ZNF700: variants seen among roughly 807,000 people sequenced by gnomAD.
ZNF700 encodes the protein zinc finger protein 700.
In ZNF700, 38 loss-of-function variants were observed where a neutral mutation model predicts 65.3. The observed-to-expected ratio is 0.58, with a 90% CI of 0.45 to 0.76. The LOEUF is 0.76. ZNF700 is among the 30% of genes least tolerant of loss of function. The pLI, the probability that ZNF700 is intolerant of heterozygous loss-of-function variation, is 0.00. For missense variants in ZNF700, 857 were observed against 888.4 expected (o/e 0.96, Z 0.45); for synonymous variants, 285 against 290.4 (o/e 0.98, Z 0.19).
intron 1 of ZNF700, among the ~76,000 whole-genome samples, chr19:11,925,663 C>A (rs1005025638): frequency 4.6e-5 from 7 of 152,224 alleles, no homozygotes; most frequent in African/African-American, 1.7e-4. Flanking sequence ...CCACTTTCTC[C>A]TGTTAAAAAT....
rs185150437 is a variant in ZNF700, at chr19:11,941,355, C to T, written c.64-5826C>T. 5.8e-3 allele frequency among the ~76,000 whole-genome samples: 882 copies of T among 152,334 alleles called. 9 individuals are homozygous for T. The highest frequency in any genetic ancestry group is 0.02 in the African/African-American group (838 of 41,580). ...GTGCTGTGGAGCAGGGGGCGGCGCT[C>T]ATCGGGGAGGCTCGGGCCGCACAGG... On this transcript the variant is annotated intron_variant, in intron 1 of 3. Coordinates refer to ENST00000254321, the MANE Select transcript of ZNF700 (RefSeq NM_144566.3).
chr19:11,935,233 GTT>G (rs1278688727), intron 1 of ZNF700, among the ~76,000 whole-genome samples: 5,650 of 92,576 alleles, frequency 0.061, 160 homozygotes, highest in African/African-American at 0.16. Flanking sequence ...GAAAGATCTT[GTT>G]TTTTTTTTTT....
At chr19:11,941,799 C>G (rs1972889895) in intron 1 of ZNF700, among the ~76,000 whole-genome samples, 1 of 152,220 alleles carries the variant, frequency 6.6e-6, no homozygotes, top group African/African-American at 2.4e-5. Context: ...GGAGCCCAGG[C>G]AGGGGAGGCG....
intron 3 of ZNF700, 148 bp from the exon 4 acceptor site, chr19:11,948,128 A>G: frequency 2.2e-6 from 2 of 904,424 alleles, no homozygotes; most frequent in Non-Finnish European, 3.3e-6. Context: ...ATCTTGTAGA[A>G]CATGTCCAGT....
At position 11,949,968 on chromosome 19, in the gene ZNF700, T is replaced by C; in HGVS notation, c.1944T>C (p.Tyr648=). The C allele has an allele frequency of 6.2e-7, 1 of 1,614,110 alleles. No individual in the cohort carries two copies. The highest frequency in any genetic ancestry group is 2.2e-5 in the East Asian group (1 of 44,880). ...HERTHTGEKP[Y]ECKECEKAFC... ...GGACTCACACTGGAGAGAAACCCTA[T>C]GAATGTAAGGAATGCGAAAAAGCAT... The change falls in exon 4 of 4, where the codon TAT becomes TAC. Residue 648 remains tyrosine (Y), a synonymous_variant. Transcript: ENST00000254321.
chr19:11,949,984 GAA>G lies in ZNF700; in HGVS notation c.1964_1965del (p.Lys655SerfsTer4), dbSNP rs1429122579. The G allele has an allele frequency of 9.3e-6, 15 of 1,613,940 alleles. No homozygotes were observed. The highest frequency in any genetic ancestry group is 1.2e-5 in the Non-Finnish European group (14 of 1,180,002). On this transcript the variant is annotated frameshift_variant, in exon 4 of 4. Coordinates refer to ENST00000254321, the MANE Select transcript of ZNF700 (RefSeq NM_144566.3). LOFTEE classifies it high-confidence loss of function. ...GAAACCCTATGAATGTAAGGAATGC[GAA>G]AAAGCATTCTGTAAATTCTCTTCTT... ...GEKPYECKEC[E>X]KAFCKFSSFQ... is the part of the protein sequence containing the mutation.
At chr19:11,944,412 C>A (rs1354769417) in intron 1 of ZNF700, among the ~76,000 whole-genome samples, 1 of 152,188 alleles carries the variant, frequency 6.6e-6, no homozygotes, top group East Asian at 1.9e-4. Flanking sequence ...TTCATCCACT[C>A]CACCTTTCCG....
At chr19:11,939,675 G>A (rs149972624) in intron 1 of ZNF700, among the ~76,000 whole-genome samples, 223 of 152,276 alleles carry the variant, frequency 1.5e-3, no homozygotes, top group African/African-American at 5.1e-3. Flanking sequence ...TGGCCAGGCA[G>A]GTCTCAAACT....
chr19:11,948,887 A>T lies in ZNF700; in HGVS notation c.863A>T (p.His288Leu), dbSNP rs369062597. The T allele has an allele frequency of 6.2e-7, 1 of 1,603,302 alleles. No homozygotes were observed. Among genetic ancestry groups the T allele is most frequent in the Non-Finnish European group, 8.5e-7 (1 of 1,177,692 alleles). The change falls in exon 4 of 4, where the codon CAT becomes CTT. Residue 288 changes from histidine (H) to leucine (L), a missense_variant. His to Leu is a moderately conservative substitution (Grantham distance 99, BLOSUM62 -3). This residue lies in a region of ZNF700 where 603 missense variants were observed against 619.9 expected (regional missense o/e 0.97). Transcript: ENST00000254321. ...TGTAGCAAATGTGATAAAGCATTTC[A>T]TAGTTCTAGTTCCTATCATAGACAT... is the stretch of plus-strand genomic sequence containing the variant. ...YECSKCDKAF[H>L]SSSSYHRHER...
intron 1 of ZNF700, among the ~76,000 whole-genome samples, chr19:11,926,187 C>T (rs1045500443): frequency 3.3e-5 from 5 of 152,158 alleles, no homozygotes; most frequent in Non-Finnish European, 7.3e-5. Flanking sequence ...TTTTGCCTTG[C>T]GTGGCCTTAG....
At chr19:11,939,244 G>A (rs997488072) in intron 1 of ZNF700, among the ~76,000 whole-genome samples, 1 of 152,142 alleles carries the variant, frequency 6.6e-6, no homozygotes, top group Non-Finnish European at 1.5e-5. Flanking sequence ...GATCCCATTT[G>A]TCAATTTTGG....
chr19:11,935,133 A>G lies in ZNF700; in HGVS notation c.63+9860A>G, dbSNP rs1461200407. On this transcript the variant is annotated intron_variant, in intron 1 of 3. Transcript: ENST00000254321. ...GGAGCTTGCAGTGGGCCGAGATGGC[A>G]CCACTGCACTCCAGCCTGGGCGACA... 2.3e-3 allele frequency among the ~76,000 whole-genome samples: 284 copies of G among 125,436 alleles called. 3 individuals are homozygous for G. The highest frequency in any genetic ancestry group is 0.012 in the Middle Eastern group (3 of 252). The allele number at this position is 125,436 out of a possible 152,430, so 82.3% of individuals were successfully genotyped here. A position where few individuals can be genotyped will look rare whatever the true frequency, so the allele number is the denominator to read the frequency against.
chr19:11,932,085 T>C (rs565270496), intron 1 of ZNF700, among the ~76,000 whole-genome samples: 23 of 147,252 alleles, frequency 1.6e-4, no homozygotes, highest in Non-Finnish European at 3.1e-4. Context: ...ATCGTGCCAT[T>C]GCACTTCAGC....
chr19:11,935,162 C>T lies in ZNF700; in HGVS notation c.63+9889C>T, dbSNP rs1229716140. 4.3e-4 allele frequency among the ~76,000 whole-genome samples: 51 copies of T among 117,430 alleles called. 1 individual carries two copies. The highest frequency in any genetic ancestry group is 5.6e-3 in the Middle Eastern group (1 of 178). The allele number at this position is 117,430 out of a possible 152,430, so 77.0% of individuals were successfully genotyped here. A position where few individuals can be genotyped will look rare whatever the true frequency, so the allele number is the denominator to read the frequency against. ...CTGCACTCCAGCCTGGGCGACAGAG[C>T]GAGACTCCGTCTCAAAAAAAAAAAA... On this transcript the variant is annotated intron_variant, in intron 1 of 3. Coordinates refer to ENST00000254321, the MANE Select transcript of ZNF700 (RefSeq NM_144566.3).
intron 1 of ZNF700, among the ~76,000 whole-genome samples, chr19:11,932,322 T>G (rs1343946704): frequency 1.4e-5 from 2 of 147,058 alleles, no homozygotes; most frequent in East Asian, 3.9e-4. Context: ...CCAGCCTGGG[T>G]AACAGAACGA....
chr19:11,928,669 T>C (rs1972669883), intron 1 of ZNF700, among the ~76,000 whole-genome samples: 1 of 145,394 alleles, frequency 6.9e-6, no homozygotes, highest in South Asian at 2.1e-4. Flanking sequence ...GAGGCGGAGC[T>C]TGCAGTGAGC....
In ZNF700 at chr19:11,949,005, C is replaced by T. The variant is rs1159560406; in HGVS notation, c.981C>T (p.Thr327=). Residue 327 remains threonine (T), a synonymous_variant, in exon 4 of 4, where the codon ACC becomes ACT. Transcript: ENST00000254321. ...GTTCTCTTCGTAGACATGAAAGGAC[C>T]CACTCTGGGAAAAAACCGTATGAAT... The part of the protein sequence containing the change: ...YTSSLRRHER[T]HSGKKPYECK... 2.5e-6 allele frequency: 4 copies of T among 1,605,864 alleles called. No homozygotes were observed. The highest frequency in any genetic ancestry group is 1.3e-5 in the African/African-American group (1 of 74,154).
Position 11,950,552 on chromosome 19 carries a change from A to G in ZNF700, c.*299A>G, listed in dbSNP as rs551557581. The G allele has an allele frequency of 2.1e-5, 12 of 582,758 alleles. No individual in the cohort carries two copies. The highest frequency in any genetic ancestry group is 2.0e-4 in the African/African-American group (11 of 53,780). 36.1% of individuals were successfully genotyped at this position (582,758 alleles called of 1,614,324 possible). On this transcript the variant is annotated 3_prime_UTR_variant, in exon 4 of 4. Coordinates refer to ENST00000254321, the MANE Select transcript of ZNF700 (RefSeq NM_144566.3). The stretch of plus-strand genomic sequence containing the variant: ...CCTATGAATGTAAGCAATGTGGGAA[A>G]GCCTTCAGATGTGCCTCGCACCTTC...
At chr19:11,934,588 G>T (rs1460574790) in intron 1 of ZNF700, among the ~76,000 whole-genome samples, 2 of 147,418 alleles carry the variant, frequency 1.4e-5, no homozygotes, top group Admixed American at 1.3e-4. Context: ...GTGCAATGGC[G>T]CAATCTCAGC....
Sources: allele counts gnomAD v4.1 joint callset (sites outside exome capture counted in the v4.1 genomes callset), GRCh38; gene constraint gnomAD v4.1.1; regional missense constraint gnomAD v4.1.1; transcripts MANE v1.5; gene names NCBI Gene and HGNC (gene_info 2026-07-23, HGNC 2026-07-21).